The following HS6ST3 variants were observed in gnomAD, a reference collection of about 807,000 sequenced individuals.
HS6ST3 encodes the protein heparan sulfate 6-O-sulfotransferase 3.
HS6ST3 carries 12 observed loss-of-function variants against 36.7 expected under a neutral mutation model. That is an observed-to-expected ratio of 0.33 (90% CI 0.21 to 0.53). The LOEUF (loss-of-function observed/expected upper bound fraction) is 0.53. Ranked by LOEUF, HS6ST3 falls within the 20% of genes least tolerant of loss-of-function variation. The probability of loss-of-function intolerance (pLI) is 0.95; values close to 1 mark genes in which losing one functional copy is unlikely to be tolerated. For synonymous variants in HS6ST3, 240 were observed against 257.5 expected, an observed-to-expected ratio of 0.93 and a Z score of 0.65; for missense variants, 584 against 640.9, an observed-to-expected ratio of 0.91 and a Z score of 0.96.
rs868643049 is a variant in HS6ST3, at chr13:96,555,432, T to C, written c.708-277058T>C. On this transcript the variant is annotated intron_variant, in intron 1 of 1. Transcript: ENST00000376705. ...GCATATTTTCAAGCAAACATTTGCCTTAAATTTCAAGTTAAATATGATATT... is the reference window on the plus strand; with the variant it reads ...GCATATTTTCAAGCAAACATTTGCCCTAAATTTCAAGTTAAATATGATATT... Among the ~76,000 whole-genome samples the C allele has an allele frequency of 2.0e-5, 3 of 152,288 alleles. No homozygotes were observed. In the Middle Eastern group the frequency reaches 0.01, roughly 518 times the overall value.
At chr13:96,643,030 T>A (rs1196900514) in intron 1 of HS6ST3, among the ~76,000 whole-genome samples, 1 of 151,978 alleles carries the variant, frequency 6.6e-6, no homozygotes, top group Non-Finnish European at 1.5e-5. Flanking sequence ...ACACTGGAAA[T>A]CAGATTCTAC....
intron 1 of HS6ST3, among the ~76,000 whole-genome samples, chr13:96,129,931 A>G (rs949216090): frequency 1.1e-4 from 16 of 152,112 alleles, no homozygotes; most frequent in Non-Finnish European, 1.9e-4. Context: ...GTAATAACAT[A>G]TTTCTGTTGA....
intron 1 of HS6ST3, among the ~76,000 whole-genome samples, chr13:96,736,484 ATACAAGGCAATATAGAGACTTTAAGC>A (rs1184271517): frequency 6.6e-6 from 1 of 152,202 alleles, no homozygotes; most frequent in Non-Finnish European, 1.5e-5. Flanking sequence ...ATCATCATAA[ATACAAGGCAATATAGAGACTTTAAGC>A]TATTTATTAT....
intron 1 of HS6ST3, among the ~76,000 whole-genome samples, chr13:96,551,267 C>A (rs1241147756): frequency 1.3e-5 from 2 of 152,118 alleles, no homozygotes; most frequent in Non-Finnish European, 2.9e-5. Context: ...AAAATGTTAC[C>A]TTTGAAAGTG....
At chr13:96,611,371 GTAGT>G (rs1326073478) in intron 1 of HS6ST3, among the ~76,000 whole-genome samples, 1 of 151,970 alleles carries the variant, frequency 6.6e-6, no homozygotes, top group African/African-American at 2.4e-5. Flanking sequence ...AGATTTAGTA[GTAGT>G]TTTTATATCA....
At chr13:96,372,108 A>G (rs1254577639) in intron 1 of HS6ST3, among the ~76,000 whole-genome samples, 1 of 152,208 alleles carries the variant, frequency 6.6e-6, no homozygotes, top group Non-Finnish European at 1.5e-5. Flanking sequence ...CCAACAATAT[A>G]TAAGGGTTAC....
chr13:96,658,787 C>T (rs947230068), intron 1 of HS6ST3, among the ~76,000 whole-genome samples: 4 of 151,840 alleles, frequency 2.6e-5, no homozygotes, highest in Admixed American at 1.3e-4. Flanking sequence ...CTCACTGCAA[C>T]CTCTGCCTCC....
chr13:96,598,644 TC>T (rs1446620913), intron 1 of HS6ST3, among the ~76,000 whole-genome samples: 1 of 152,106 alleles, frequency 6.6e-6, no homozygotes, highest in African/African-American at 2.4e-5. Context: ...CTTCTTCTTT[TC>T]CAATTTGGAT....
intron 1 of HS6ST3, among the ~76,000 whole-genome samples, chr13:96,317,354 AT>A (rs1566322070): frequency 0.11 from 3,675 of 34,346 alleles, 141 homozygotes; most frequent in Admixed American, 0.17. Flanking sequence ...ATATATATAT[AT>A]ATATATATAT....
chr13:96,668,608 T>G lies in HS6ST3; in HGVS notation c.708-163882T>G, dbSNP rs940941231. Reference sequence around the variant, plus strand: ...TATTGGAGACAGAAGAACTGGCCAGTGCATATTCACTGCTGTGTCACCCTG... The same window carrying G: ...TATTGGAGACAGAAGAACTGGCCAGGGCATATTCACTGCTGTGTCACCCTG... On this transcript the variant is annotated intron_variant, in intron 1 of 1. Transcript: ENST00000376705. 3.5e-5 allele frequency among the ~76,000 whole-genome samples: 5 copies of G among 143,724 alleles called. No individual in the cohort carries two copies. In the Admixed American group the frequency reaches 3.6e-4, roughly 10 times the overall value. The allele number at this position is 143,724 out of a possible 152,430, so 94.3% of individuals were successfully genotyped here.
chr13:96,151,044 A>T (rs1373496919), intron 1 of HS6ST3, among the ~76,000 whole-genome samples: 1 of 152,214 alleles, frequency 6.6e-6, no homozygotes, highest in Non-Finnish European at 1.5e-5. Context: ...AGATATGCCT[A>T]CCAACAGGAA....
chr13:96,306,702 T>C (rs1022911150), intron 1 of HS6ST3, among the ~76,000 whole-genome samples: 2 of 152,152 alleles, frequency 1.3e-5, no homozygotes, highest in African/African-American at 4.8e-5. Flanking sequence ...GTGCACGGCC[T>C]GTGTTCTTGC....
chr13:96,618,814 T>G (rs2056483755), intron 1 of HS6ST3, among the ~76,000 whole-genome samples: 1 of 152,194 alleles, frequency 6.6e-6, no homozygotes, highest in Non-Finnish European at 1.5e-5. Flanking sequence ...CACAGGCATA[T>G]GATGGACCCA....
At chr13:96,613,297 G>T (rs1444708653) in intron 1 of HS6ST3, among the ~76,000 whole-genome samples, 2 of 152,174 alleles carry the variant, frequency 1.3e-5, no homozygotes, top group East Asian at 3.8e-4. Context: ...GCCATAGGTG[G>T]TAACATTTCC....
intron 1 of HS6ST3, among the ~76,000 whole-genome samples, chr13:96,187,457 A>G (rs990507719): frequency 1.3e-5 from 2 of 152,198 alleles, no homozygotes; most frequent in Non-Finnish European, 2.9e-5. Context: ...AATATGAAGC[A>G]GTTTGCCCCA....
At chr13:96,631,516 A>G (rs1245579145) in intron 1 of HS6ST3, among the ~76,000 whole-genome samples, 2 of 152,230 alleles carry the variant, frequency 1.3e-5, no homozygotes, top group Non-Finnish European at 2.9e-5. Flanking sequence ...TAAACAGTGT[A>G]CTTTGTGTGG....
chr13:96,655,270 G>A (rs917221542), intron 1 of HS6ST3, among the ~76,000 whole-genome samples: 1 of 152,086 alleles, frequency 6.6e-6, no homozygotes, highest in Non-Finnish European at 1.5e-5. Flanking sequence ...ACAGTCGCCT[G>A]CCAACTTTCC....
chr13:96,217,522 C>T (rs1317520087), intron 1 of HS6ST3, among the ~76,000 whole-genome samples: 1 of 152,170 alleles, frequency 6.6e-6, no homozygotes, highest in African/African-American at 2.4e-5. Flanking sequence ...ACTTAATCCT[C>T]GCAGCTTCCT....
intron 1 of HS6ST3, among the ~76,000 whole-genome samples, chr13:96,825,441 T>C (rs1048820270): frequency 2.0e-5 from 3 of 152,114 alleles, no homozygotes; most frequent in African/African-American, 7.2e-5. Flanking sequence ...TAGAGAAAGC[T>C]GACAACAGAA....
Sources: allele counts gnomAD v4.1 joint callset (sites outside exome capture counted in the v4.1 genomes callset), GRCh38; gene constraint gnomAD v4.1.1; transcripts MANE v1.5; gene names NCBI Gene and HGNC (gene_info 2026-07-23, HGNC 2026-07-21).